Variants in GPX3 observed in about 807,000 individuals in gnomAD.
GPX3 encodes glutathione peroxidase 3, also known as GPx-3.
Under a neutral mutation model 25.1 loss-of-function variants are expected in GPX3, and 22 were observed. The observed-to-expected ratio is 0.88, with a 90% CI of 0.63 to 1.25. The LOEUF is 1.25. Among genes scored for constraint, GPX3 ranks in the 50% most tolerant of loss-of-function variants. The pLI is 0.00. For missense variants in GPX3, 278 were observed against 286.6 expected, an observed-to-expected ratio of 0.97 and a Z score of 0.22; for synonymous variants, 110 against 114.5, an observed-to-expected ratio of 0.96 and a Z score of 0.25.
chr5:151,027,705 A>G (rs1332601903), intron 4 of GPX3, 174 bp downstream of exon 4: 1 of 666,858 alleles, frequency 1.5e-6, no homozygotes, highest in Non-Finnish European at 2.7e-6. Flanking sequence ...TCATTGGCCC[A>G]TTTTACAGAA....
chr5:151,028,456 CT>C lies in GPX3; in HGVS notation c.*329del. On this transcript the variant is annotated 3_prime_UTR_variant, in exon 5 of 5. Transcript: ENST00000388825. ...TGTGTAGTGCTGGACAGTGACAACC[CT>C]TTCTCTCCAGTTCTCCACTCCAATG... 1 of 340,544 alleles carries C rather than the reference CT, an allele frequency of 2.9e-6. No individual in the cohort carries two copies. Among genetic ancestry groups the C allele is most frequent in the Non-Finnish European group, 5.6e-6 (1 of 177,958 alleles). The allele number at this position is 340,544 out of a possible 1,614,324, so 21.1% of individuals were successfully genotyped here. A position where few individuals can be genotyped will look rare whatever the true frequency, so the allele number is the denominator to read the frequency against.
chr5:151,028,006 T>A lies in GPX3; in HGVS notation c.557T>A (p.Phe186Tyr), dbSNP rs1756579266. ...GACATCCGCTGGAACTTTGAGAAGT[T>A]CCTGGTGGGGCCAGATGGTATACCC... is the stretch of plus-strand genomic sequence containing the variant. ...VHDIRWNFEK[F>Y]LVGPDGIPIM... The change falls in exon 5 of 5, where the codon TTC becomes TAC. Residue 186 changes from phenylalanine (F) to tyrosine (Y), a missense_variant. Phe to Tyr is a conservative substitution (Grantham distance 22, BLOSUM62 3). Transcript: ENST00000388825. 1 of 1,614,194 alleles carries A rather than the reference T, an allele frequency of 6.2e-7. No homozygotes were observed. The highest frequency in any genetic ancestry group is 8.5e-7 in the Non-Finnish European group (1 of 1,180,024).
intron 1 of GPX3, among the ~76,000 whole-genome samples, chr5:151,022,768 G>A (rs959981191): frequency 3.9e-5 from 6 of 152,116 alleles, no homozygotes; most frequent in Admixed American, 6.6e-5. Context: ...AACTGCTGAC[G>A]TGCACGGGAT....
rs1184328780 is a variant in GPX3, at chr5:151,028,190, TC to T, written c.*62del. Reference sequence around the variant, plus strand: ...GGGAGGGACTTTGTTCAGGAAGAAATCCGTGTCTCCAACCACACTATCTACC... The same window carrying T: ...GGGAGGGACTTTGTTCAGGAAGAAATCGTGTCTCCAACCACACTATCTACC... On this transcript the variant is annotated 3_prime_UTR_variant, in exon 5 of 5. Coordinates refer to ENST00000388825, the MANE Select transcript of GPX3 (RefSeq NM_002084.5). 1.1e-5 allele frequency: 16 copies of T among 1,444,854 alleles called. No individual in the cohort carries two copies. The Admixed American group carries it at 3.2e-4, about 28-fold the overall frequency. The allele number at this position is 1,444,854 out of a possible 1,614,324, so 89.5% of individuals were successfully genotyped here.
rs765592824 is a variant in GPX3 at position 151,027,024 on chromosome 5, A to C, written c.359+7A>C. On this transcript the variant is annotated splice_region_variant and intron_variant, in intron 3 of 4. Coordinates refer to ENST00000388825, the MANE Select transcript of GPX3 (RefSeq NM_002084.5). ...AGATCCTTCCTACCCTCAAGTGAGTACTCACTCAGCATCCTGAGAAAGCTC... is the reference window on the plus strand; with the variant it reads ...AGATCCTTCCTACCCTCAAGTGAGTCCTCACTCAGCATCCTGAGAAAGCTC... 6.4e-7 allele frequency: 1 copy of C among 1,563,686 alleles called. No homozygotes were observed. The highest frequency in any genetic ancestry group is 1.4e-5 in the African/African-American group (1 of 73,902).
In GPX3 at chr5:151,027,898, C is replaced by T; in HGVS notation, c.460-11C>T. 1 of 1,611,428 alleles carries T rather than the reference C, an allele frequency of 6.2e-7. No homozygotes were observed. The highest frequency in any genetic ancestry group is 8.5e-7 in the Non-Finnish European group (1 of 1,177,562). ...CAAGCAAGGTTGACACTCCTCTTAT[C>T]CCTGCTCTAGAACTCCTGTCCTCCC... is the stretch of plus-strand genomic sequence containing the variant. On this transcript the variant is annotated splice_polypyrimidine_tract_variant and intron_variant, in intron 4 of 4. Transcript: ENST00000388825.
rs1438318563 is a variant in GPX3 at position 151,026,910 on chromosome 5, A to T, written c.252A>T (p.Ala84=). Residue 84 remains alanine (A), a synonymous_variant, in exon 3 of 5, where the codon GCA becomes GCT. Coordinates refer to ENST00000388825, the MANE Select transcript of GPX3 (RefSeq NM_002084.5). ...GLTGQYIELN[A]LQEELAPFGL... ...TTCTCTTTGGCCCAGAACTGAATGC[A>T]CTACAGGAAGAGCTTGCACCATTCG... 1 of 1,613,140 alleles carries T rather than the reference A, an allele frequency of 6.2e-7. No homozygotes were observed. The highest frequency in any genetic ancestry group is 1.7e-5 in the Admixed American group (1 of 59,962).
At chr5:151,026,819 G>C in intron 2 of GPX3, 81 bp from the exon 3 acceptor site, 1 of 972,256 alleles carries the variant, frequency 1.0e-6, no homozygotes, top group Non-Finnish European at 1.6e-6. Context: ...GCGGCACAGC[G>C]GGTGAGCCGG....
At chr5:151,024,053 C>T (rs987453623) in intron 1 of GPX3, among the ~76,000 whole-genome samples, 1 of 152,208 alleles carries the variant, frequency 6.6e-6, no homozygotes, top group Non-Finnish European at 1.5e-5. Context: ...GCAAGTTCTC[C>T]AGAATTGAGG....
At chr5:151,026,315 A>T (rs1455394458) in intron 2 of GPX3, 1 of 152,376 alleles carries the variant, frequency 6.6e-6, no homozygotes, top group Non-Finnish European at 1.5e-5. Context: ...CCGGAAGTGA[A>T]AGGACGGCGG....
In GPX3 at chr5:151,028,145, A is replaced by C; in HGVS notation, c.*15A>C. ...AGAGGAAGTAACTGAAGGCCGTCTC[A>C]TCCCATGTCCACCATGTAGGGGAGG... On this transcript the variant is annotated 3_prime_UTR_variant, in exon 5 of 5. Transcript: ENST00000388825. The C allele has an allele frequency of 6.4e-7, 1 of 1,552,228 alleles. No homozygotes were observed. The highest frequency in any genetic ancestry group is 8.7e-7 in the Non-Finnish European group (1 of 1,145,658).
Position 151,028,815 on chromosome 5 carries a change from C to T in GPX3, c.*685C>T, listed in dbSNP as rs977534636. 6.5e-6 allele frequency: 1 copy of T among 153,244 alleles called. No individual in the cohort carries two copies. The highest frequency in any genetic ancestry group is 2.4e-5 in the African/African-American group (1 of 41,454). The allele number at this position is 153,244 out of a possible 1,614,324, so 9.5% of individuals were successfully genotyped here. A position where few individuals can be genotyped will look rare whatever the true frequency, so the allele number is the denominator to read the frequency against. ...CTTCATGAGGGAGGGGCCCAAAGCC[C>T]TTGTGGGCGGACCTCCCCTGAGCCT... is the stretch of plus-strand genomic sequence containing the variant. On this transcript the variant is annotated 3_prime_UTR_variant, in exon 5 of 5. Transcript: ENST00000388825.
intron 1 of GPX3, chr5:151,021,718 T>C (rs1756479602): frequency 6.5e-6 from 1 of 152,850 alleles, no homozygotes; most frequent in Admixed American, 6.5e-5. Context: ...TGACAGTATG[T>C]ACTGGGGTGG....
chr5:151,026,832 G>A (rs903763397), intron 2 of GPX3, 68 bp from the exon 3 acceptor site: 20 of 1,108,016 alleles, frequency 1.8e-5, no homozygotes, highest in Non-Finnish European at 2.6e-5. Context: ...TGAGCCGGGG[G>A]AGTGGTGTGG....
chr5:151,025,049 T>C (rs534538606), intron 1 of GPX3, among the ~76,000 whole-genome samples: 51 of 152,366 alleles, frequency 3.3e-4, no homozygotes, highest in African/African-American at 1.1e-3. Context: ...CAGGGTTCCA[T>C]AGCACTCACT....
In GPX3 at chr5:151,028,024, G is replaced by T; in HGVS notation, c.575G>T (p.Gly192Val). 6.2e-7 allele frequency: 1 copy of T among 1,614,180 alleles called. No homozygotes were observed. ...NFEKFLVGPD[G>V]IPIMRWHHRT... ...GAGAAGTTCCTGGTGGGGCCAGATG[G>T]TATACCCATCATGCGCTGGCACCAC... Residue 192 changes from glycine (G) to valine (V), a missense_variant, in exon 5 of 5, where the codon GGT becomes GTT. Gly to Val is a moderately radical substitution (Grantham distance 109). Coordinates refer to ENST00000388825, the MANE Select transcript of GPX3 (RefSeq NM_002084.5).
intron 1 of GPX3, chr5:151,021,202 C>G (rs751963568): frequency 1.7e-4 from 40 of 233,052 alleles, no homozygotes; most frequent in Non-Finnish European, 3.2e-4. Flanking sequence ...CTGGGTGGTC[C>G]TGGTCCTGAA....
intron 4 of GPX3, 32 bp from the exon 5 acceptor site, chr5:151,027,877 C>A: frequency 6.3e-7 from 1 of 1,580,230 alleles, no homozygotes; most frequent in Non-Finnish European, 8.7e-7. Flanking sequence ...GGGCCTCAAG[C>A]AAGGTTGACA....
At chr5:151,024,421 G>C (rs1015836502) in intron 1 of GPX3, among the ~76,000 whole-genome samples, 1 of 152,182 alleles carries the variant, frequency 6.6e-6, no homozygotes, top group Admixed American at 6.5e-5. Flanking sequence ...AAGCCATCAT[G>C]GTTGACCTGG....
Sources: allele counts gnomAD v4.1 joint callset (sites outside exome capture counted in the v4.1 genomes callset), GRCh38; gene constraint gnomAD v4.1.1; transcripts MANE v1.5; gene names NCBI Gene and HGNC (gene_info 2026-07-23, HGNC 2026-07-21).